The following ZBTB25 variants were observed in gnomAD, a reference collection of about 807,000 sequenced individuals.
ZBTB25 encodes zinc finger and BTB domain containing 25.
A neutral mutation model predicts 34.2 loss-of-function variants in ZBTB25; 20 were observed. The ratio of observed to expected loss-of-function variants is 0.58; its 90% CI spans 0.41 to 0.85. ZBTB25 has a LOEUF of 0.85. Ranked by LOEUF, ZBTB25 falls within the 40% of genes least tolerant of loss-of-function variation. The probability of loss-of-function intolerance (pLI) is 0.00; values close to 1 mark genes in which losing one functional copy is unlikely to be tolerated. For synonymous variants in ZBTB25, 175 were observed against 186.4 expected, an observed-to-expected ratio of 0.94 and a Z score of 0.50; for missense variants, 437 against 521.8, an observed-to-expected ratio of 0.84 and a Z score of 1.58.
At chr14:64,497,581 A>G (rs1044908481) in intron 1 of ZBTB25, among the ~76,000 whole-genome samples, 3 of 152,224 alleles carry the variant, frequency 2.0e-5, no homozygotes, top group Non-Finnish European at 2.9e-5. Flanking sequence ...GTGATACATT[A>G]TCATAATAGT....
intron 1 of ZBTB25, among the ~76,000 whole-genome samples, chr14:64,496,696 A>G (rs1351393899): frequency 6.6e-6 from 1 of 152,188 alleles, no homozygotes; most frequent in African/African-American, 2.4e-5. Context: ...CCTCTTTAAT[A>G]TCTGGCTTTA....
At chr14:64,468,322 C>T in intron 2 of ZBTB25, 3 of 1,391,738 alleles carry the variant, frequency 2.2e-6, no homozygotes, top group South Asian at 1.5e-5. Context: ...CATTTTTGCT[C>T]ATCTTTTTGT....
intron 2 of ZBTB25, among the ~76,000 whole-genome samples, chr14:64,465,288 G>A (rs2078598496): frequency 6.6e-6 from 1 of 151,990 alleles, no homozygotes; most frequent in African/African-American, 2.4e-5. Flanking sequence ...GATGTGGTCT[G>A]GCAGTGGAGA....
Position 64,482,637 on chromosome 14 carries a change from C to T in ZBTB25, c.*4286G>A, listed in dbSNP as rs2078807441. The T allele has an allele frequency of 6.6e-6, 1 of 152,122 alleles. No individual in the cohort carries two copies. Among genetic ancestry groups the T allele is most frequent in the South Asian group, 2.1e-4 (1 of 4,834 alleles). 9.4% of individuals were successfully genotyped at this position (152,122 alleles called of 1,614,324 possible). On this transcript the variant is annotated 3_prime_UTR_variant, in exon 3 of 3. Coordinates refer to ENST00000608382, the MANE Select transcript of ZBTB25 (RefSeq NM_006977.5). ...AAAAGAAACAGTGATGATTAAATTA[C>T]AGTAGAACAGGAATTCTAGCAACAG...
At chr14:64,502,644 T>TATA in intron 1 of ZBTB25, 1 of 985,330 alleles carries the variant, frequency 1.0e-6, no homozygotes, top group Non-Finnish European at 1.2e-6. Context: ...GCCAAGTATA[T>TATA]ATAATGACCT....
chr14:64,487,484 G>A lies in ZBTB25; in HGVS notation c.747C>T (p.Ser249=). ...LCHYCGERFD[S]RSNLRQHLHT... ...GGAGATGTTGCCTTAGGTTACTACG[G>A]GAATCAAAACGTTCCCCACAGTAAT... is the stretch of plus-strand genomic sequence containing the variant. Residue 249 remains serine (S), a synonymous_variant, in exon 3 of 3, where the codon TCC becomes TCT. Transcript: ENST00000608382. The A allele has an allele frequency of 6.2e-7, 1 of 1,614,140 alleles. No individual in the cohort carries two copies. Among genetic ancestry groups the A allele is most frequent in the Non-Finnish European group, 8.5e-7 (1 of 1,180,004 alleles).
intron 1 of ZBTB25, among the ~76,000 whole-genome samples, chr14:64,491,951 G>A (rs1358330065): frequency 1.3e-5 from 2 of 151,822 alleles, no homozygotes; most frequent in Non-Finnish European, 2.9e-5. Flanking sequence ...ATTTTATAGT[G>A]CTTCCTATGT....
chr14:64,454,973 A>G (rs374776925), intron 2 of ZBTB25: 4 of 1,277,872 alleles, frequency 3.1e-6, no homozygotes, highest in East Asian at 2.3e-5. Context: ...AGCAGAGTTC[A>G]CTGCCCAGAA....
upstream of ZBTB25, chr14:64,504,706 C>G (rs906845887): frequency 1.1e-5 from 4 of 369,778 alleles, no homozygotes; most frequent in Non-Finnish European, 1.9e-5. Flanking sequence ...CCGGAGTCGC[C>G]GCGTAAGCGG....
chr14:64,491,058 T>C (rs917932495), intron 1 of ZBTB25, among the ~76,000 whole-genome samples: 3 of 152,224 alleles, frequency 2.0e-5, no homozygotes, highest in Non-Finnish European at 4.4e-5. Context: ...CAGGGGATAC[T>C]GGCTTCCCAA....
chr14:64,493,948 G>A (rs1281850018), intron 1 of ZBTB25, among the ~76,000 whole-genome samples: 1 of 152,136 alleles, frequency 6.6e-6, no homozygotes, highest in Non-Finnish European at 1.5e-5. Context: ...GATCAGCGGG[G>A]ACAAGAAGCA....
chr14:64,469,787 C>T, intron 2 of ZBTB25: 1 of 821,490 alleles, frequency 1.2e-6, no homozygotes. Flanking sequence ...ATCTCTAGAA[C>T]TTAAAAGGTA....
chr14:64,488,190 T>C lies in ZBTB25; in HGVS notation c.174-133A>G. On this transcript the variant is annotated intron_variant, in intron 2 of 2. Transcript: ENST00000608382. ...CCTAGCAATCTGCCTTAATAAAACATGGCAACAAAGGCTTAAACTTTCATT... is the reference window on the plus strand; with the variant it reads ...CCTAGCAATCTGCCTTAATAAAACACGGCAACAAAGGCTTAAACTTTCATT... 3 of 1,363,178 alleles carry C rather than the reference T, an allele frequency of 2.2e-6. No individual in the cohort carries two copies. In the South Asian group the frequency reaches 4.5e-5, roughly 21 times the overall value. 84.4% of individuals were successfully genotyped at this position (1,363,178 alleles called of 1,614,324 possible).
At chr14:64,471,690 G>A (rs554532935) in intron 2 of ZBTB25, 1 of 165,596 alleles carries the variant, frequency 6.0e-6, no homozygotes, top group South Asian at 2.1e-4. Flanking sequence ...TTGAGTGATT[G>A]TGTTACTACT....
At chr14:64,449,879 CCTGGG>C (rs1254692505) in intron 2 of ZBTB25, among the ~76,000 whole-genome samples, 3 of 152,232 alleles carry the variant, frequency 2.0e-5, no homozygotes, top group Non-Finnish European at 4.4e-5. Flanking sequence ...ACCTCTGCCT[CCTGGG>C]TTCAAGTGAT....
Position 64,486,999 on chromosome 14 carries a change from T to C in ZBTB25, c.1232A>G (p.Gln411Arg). 2 of 1,614,204 alleles carry C rather than the reference T, an allele frequency of 1.2e-6. No homozygotes were observed. Among genetic ancestry groups the C allele is most frequent in the Non-Finnish European group, 1.7e-6 (2 of 1,180,032 alleles). ...DVSLKSSRLS[Q>R]EHLDLPCALE... ...GGCACAAGGCAAGTCTAAGTGTTCT[T>C]GTGACAAGCGAGAACTTTTCAGGGA... The change falls in exon 3 of 3, where the codon CAA becomes CGA. Residue 411 changes from glutamine (Q) to arginine (R), a missense_variant. Gln to Arg is a conservative substitution (Grantham distance 43). Transcript: ENST00000608382.
Position 64,487,768 on chromosome 14 carries a change from T to C in ZBTB25, c.463A>G (p.Ser155Gly), listed in dbSNP as rs373325372. The C allele has an allele frequency of 7.4e-6, 12 of 1,614,108 alleles. No individual in the cohort carries two copies. In the African/African-American group the frequency reaches 1.5e-4, roughly 20 times the overall value. ...CCCTGGACAGCAGCTCTGTTTCCACTGTTACTGGAAGGAGCTTCTTTGACC... is the reference window on the plus strand; with the variant it reads ...CCCTGGACAGCAGCTCTGTTTCCACCGTTACTGGAAGGAGCTTCTTTGACC... Reference protein sequence around the residue: ...LEVKEAPSSNSGNRAAVQGDH... With the variant: ...LEVKEAPSSNGGNRAAVQGDH... The change falls in exon 3 of 3, where the codon AGT (serine) becomes GGT (glycine). Residue 155 changes from serine to glycine, a missense_variant. Physicochemically the swap from Ser to Gly is moderately conservative, Grantham distance 56 (BLOSUM62 0). Coordinates refer to ENST00000608382, the MANE Select transcript of ZBTB25 (RefSeq NM_006977.5).
At position 64,483,319 on chromosome 14, in the gene ZBTB25, C is replaced by T. The variant is rs939142326; in HGVS notation, c.*3604G>A. 3 of 152,024 alleles carry T rather than the reference C, an allele frequency of 2.0e-5. No homozygotes were observed. The highest frequency in any genetic ancestry group is 4.4e-5 in the Non-Finnish European group (3 of 68,084). The allele number at this position is 152,024 out of a possible 1,614,324, so 9.4% of individuals were successfully genotyped here. On this transcript the variant is annotated 3_prime_UTR_variant, in exon 3 of 3. Coordinates refer to ENST00000608382, the MANE Select transcript of ZBTB25 (RefSeq NM_006977.5). Reference sequence around the variant, plus strand: ...TTGAGATGGAGTCTCGCTCTGTCACCCAGGCTGGAGTGCAGTGGTGCGATC... The same window carrying T: ...TTGAGATGGAGTCTCGCTCTGTCACTCAGGCTGGAGTGCAGTGGTGCGATC...
At chr14:64,459,694 G>C in intron 2 of ZBTB25, 1 of 1,377,040 alleles carries the variant, frequency 7.3e-7, no homozygotes, top group South Asian at 1.4e-5. Flanking sequence ...GTGCAGTATG[G>C]AAGGAACAGG....
Sources: gnomAD v4.1 joint callset for allele counts (sites outside exome capture counted in the v4.1 genomes callset) on GRCh38, gnomAD v4.1.1 for gene constraint, MANE v1.5 for transcripts, NCBI Gene and HGNC (gene_info 2026-07-23, HGNC 2026-07-21) for gene names.